Variants in TMEM132B observed in about 807,000 individuals in gnomAD.
TMEM132B encodes transmembrane protein 132B.
Under a neutral mutation model 90.8 loss-of-function variants are expected in TMEM132B, and 18 were observed. That is an observed-to-expected ratio of 0.20 (90% CI 0.14 to 0.29). The LOEUF is 0.29. Ranked by LOEUF, TMEM132B falls within the 10% of genes least tolerant of loss-of-function variation. The pLI is 1.00. For missense variants in TMEM132B, 1,096 were observed against 1,326.8 expected (o/e 0.83, Z 2.70); for synonymous variants, 504 against 523.3 (o/e 0.96, Z 0.50).
intron 1 of TMEM132B, among the ~76,000 whole-genome samples, chr12:125,271,779 A>G (rs1237622919): frequency 1.3e-5 from 2 of 151,844 alleles, no homozygotes; most frequent in Non-Finnish European, 2.9e-5. Flanking sequence ...TAAATATATT[A>G]CCTTCATATA....
chr12:125,197,316 G>A (rs1872946953), intron 1 of TMEM132B, among the ~76,000 whole-genome samples: 1 of 152,134 alleles, frequency 6.6e-6, no homozygotes, highest in Admixed American at 6.5e-5. Flanking sequence ...GTTTTATTTA[G>A]TAGAGGTGTA....
At chr12:125,239,924 G>C (rs1422104375) in intron 1 of TMEM132B, among the ~76,000 whole-genome samples, 3 of 152,204 alleles carry the variant, frequency 2.0e-5, no homozygotes, top group Non-Finnish European at 4.4e-5. Context: ...TGATTGTAGT[G>C]GCTGCCTTAT....
chr12:125,400,178 A>C (rs1879278469), intron 2 of TMEM132B, among the ~76,000 whole-genome samples: 1 of 152,210 alleles, frequency 6.6e-6, no homozygotes, highest in Non-Finnish European at 1.5e-5. Context: ...AAATAACTAA[A>C]ACCATTCTTT....
At chr12:125,263,000 A>G (rs1446839632) in intron 1 of TMEM132B, among the ~76,000 whole-genome samples, 3 of 152,202 alleles carry the variant, frequency 2.0e-5, no homozygotes, top group Admixed American at 2.0e-4. Flanking sequence ...AGTCTGTTTC[A>G]TCCTTAATGA....
At chr12:125,465,047 T>G (rs1881528774) in intron 3 of TMEM132B, among the ~76,000 whole-genome samples, 1 of 152,228 alleles carries the variant, frequency 6.6e-6, no homozygotes, top group Admixed American at 6.5e-5. Context: ...TTCCAAACTA[T>G]TTTTTGGAGG....
chr12:125,594,862 T>C (rs1036258818), intron 5 of TMEM132B, among the ~76,000 whole-genome samples: 1 of 152,204 alleles, frequency 6.6e-6, no homozygotes, highest in Non-Finnish European at 1.5e-5. Context: ...ATAGGGTCTT[T>C]AGAGGAGCAG....
rs773624804 is a variant in TMEM132B at position 125,653,989 on chromosome 12, G to C, written c.2531G>C (p.Gly844Ala). 7.4e-6 allele frequency: 12 copies of C among 1,614,164 alleles called. No individual in the cohort carries two copies. Among genetic ancestry groups the C allele is most frequent in the Non-Finnish European group, 1.0e-5 (12 of 1,180,032 alleles). Residue 844 changes from glycine (G) to alanine (A), a missense_variant, in exon 9 of 9, where the codon GGC becomes GCC. By Grantham distance (60) the Gly-to-Ala change is moderately conservative. Transcript: ENST00000682704. ...QEWFHRGTPV[G>A]QEESTNKSTT... Reference sequence around the variant, plus strand: ...TGGTTCCACCGTGGCACACCTGTTGGCCAAGAGGAAAGTACCAACAAAAGC... The same window carrying C: ...TGGTTCCACCGTGGCACACCTGTTGCCCAAGAGGAAAGTACCAACAAAAGC...
chr12:125,317,303 C>T (rs979251473), intron 1 of TMEM132B, among the ~76,000 whole-genome samples: 9 of 152,116 alleles, frequency 5.9e-5, no homozygotes, highest in Admixed American at 4.6e-4. Flanking sequence ...CTATTAGGCA[C>T]GATTGTTTAA....
Position 125,246,971 on chromosome 12 carries a change from T to A in TMEM132B, c.67+60105T>A, listed in dbSNP as rs1874221004. ...GATTTTCCACTTAAGTTATTACTATTTAAGGCTTGGGATAGTATTTTTAGA... is the reference window on the plus strand; with the variant it reads ...GATTTTCCACTTAAGTTATTACTATATAAGGCTTGGGATAGTATTTTTAGA... On this transcript the variant is annotated intron_variant, in intron 1 of 8. Transcript: ENST00000682704. This position sits in a 1 kb window ranked among gnomAD's most constrained non-coding sequence, Gnocchi z 4.2. Among the ~76,000 whole-genome samples, 1 of 152,096 alleles carries A rather than the reference T, an allele frequency of 6.6e-6. No homozygotes were observed. Among genetic ancestry groups the A allele is most frequent in the Non-Finnish European group, 1.5e-5 (1 of 68,026 alleles).
At chr12:125,516,898 T>A (rs923127121) in intron 3 of TMEM132B, among the ~76,000 whole-genome samples, 10 of 152,202 alleles carry the variant, frequency 6.6e-5, no homozygotes, top group Admixed American at 5.9e-4. Context: ...GGAGGTGACT[T>A]AACAGATGGA....
intron 4 of TMEM132B, among the ~76,000 whole-genome samples, chr12:125,569,202 C>T (rs74969040): frequency 0.012 from 1,816 of 152,212 alleles, 38 homozygotes; most frequent in African/African-American, 0.042. Flanking sequence ...TGGGGGTTCC[C>T]AAGCTGGCAT....
chr12:125,299,847 C>A lies in TMEM132B; in HGVS notation c.68-49605C>A, dbSNP rs562695385. On this transcript the variant is annotated intron_variant, in intron 1 of 8. Coordinates refer to ENST00000682704, the MANE Select transcript of TMEM132B (RefSeq NM_001366854.1). ...CTCTCCTGGACCGGCCTGCGTCCCC[C>A]ACTTGCCCTGCTGTCTGTCCACACA... Among the ~76,000 whole-genome samples, 19 of 152,356 alleles carry A rather than the reference C, an allele frequency of 1.2e-4. 1 individual carries two copies. In the South Asian group the frequency reaches 3.3e-3, roughly 27 times the overall value.
intron 3 of TMEM132B, among the ~76,000 whole-genome samples, chr12:125,430,385 T>C (rs541553377): frequency 3.3e-5 from 5 of 152,078 alleles, no homozygotes; most frequent in Non-Finnish European, 5.9e-5. Context: ...CAGGGTCATG[T>C]GATAGAGGGG....
At chr12:125,617,041 T>C (rs964050498) in intron 5 of TMEM132B, among the ~76,000 whole-genome samples, 1 of 152,230 alleles carries the variant, frequency 6.6e-6, no homozygotes, top group Non-Finnish European at 1.5e-5. Context: ...TTCTGTTGTT[T>C]AAACCACCCA....
At chr12:125,532,297 GAGAC>G (rs757127884) in intron 4 of TMEM132B, among the ~76,000 whole-genome samples, 1 of 152,186 alleles carries the variant, frequency 6.6e-6, no homozygotes, top group Non-Finnish European at 1.5e-5. Flanking sequence ...CGGCAGGGAT[GAGAC>G]ATGACAAATT....
rs943037550 is a variant in TMEM132B at position 125,408,225 on chromosome 12, A to C, written c.960-7306A>C. Among the ~76,000 whole-genome samples, 7 of 152,280 alleles carry C rather than the reference A, an allele frequency of 4.6e-5. No homozygotes were observed. Among genetic ancestry groups the C allele is most frequent in the Admixed American group, 3.9e-4 (6 of 15,296 alleles). Reference sequence around the variant, plus strand: ...GGCTGCTTCCTCGTTACTGCTGTATAGTGTTCCACTGTGAGATGTTACGCT... The same window carrying C: ...GGCTGCTTCCTCGTTACTGCTGTATCGTGTTCCACTGTGAGATGTTACGCT... On this transcript the variant is annotated intron_variant, in intron 2 of 8. Coordinates refer to ENST00000682704, the MANE Select transcript of TMEM132B (RefSeq NM_001366854.1). This position sits in a 1 kb window ranked among gnomAD's most constrained non-coding sequence, Gnocchi z 5.9.
At chr12:125,644,320 T>C (rs762898081) in intron 6 of TMEM132B, 39 bp downstream of exon 6, 12 of 1,605,822 alleles carry the variant, frequency 7.5e-6, no homozygotes, top group Middle Eastern at 1.7e-4. Context: ...CCGATTGTCC[T>C]GGAGTCCAGA....
intron 4 of TMEM132B, among the ~76,000 whole-genome samples, chr12:125,550,838 G>A (rs1884210802): frequency 6.6e-6 from 1 of 152,090 alleles, no homozygotes; most frequent in Admixed American, 6.5e-5. Context: ...TAGTGCAATG[G>A]TGCGATCTTG....
At chr12:125,292,832 C>T (rs1011756044) in intron 1 of TMEM132B, among the ~76,000 whole-genome samples, 7 of 152,212 alleles carry the variant, frequency 4.6e-5, no homozygotes, top group African/African-American at 1.4e-4. Flanking sequence ...GATCATGTAC[C>T]TGCCTCTGAA....
Sources: allele counts gnomAD v4.1 joint callset (sites outside exome capture counted in the v4.1 genomes callset), GRCh38; gene constraint gnomAD v4.1.1; non-coding constraint Gnocchi (gnomAD v3.1); transcripts MANE v1.5; gene names NCBI Gene and HGNC (gene_info 2026-07-23, HGNC 2026-07-21).